The following LUZP1 variants were observed in gnomAD, a reference collection of about 807,000 sequenced individuals.
LUZP1 encodes the protein filamin mechanobinding actin cross-linking protein.
Under a neutral mutation model 71.3 loss-of-function variants are expected in LUZP1, and 25 were observed. The ratio of observed to expected loss-of-function variants is 0.35; its 90% CI spans 0.26 to 0.49. The LOEUF is 0.49. Among genes scored for constraint, LUZP1 ranks in the 20% least tolerant of loss-of-function variants. The pLI is 0.99. For missense variants in LUZP1, 1,142 were observed against 1,300.8 expected (o/e 0.88, Z 1.88); for synonymous variants, 481 against 506.4 (o/e 0.95, Z 0.67).
At chr1:23,167,479 G>T (rs1644518939) in intron 2 of LUZP1, among the ~76,000 whole-genome samples, 1 of 138,736 alleles carries the variant, frequency 7.2e-6, no homozygotes. Flanking sequence ...CAGTGAAGGT[G>T]CGACGGTGGA....
At chr1:23,177,073 T>TGG (rs10548114) in intron 1 of LUZP1, among the ~76,000 whole-genome samples, 139 of 144,294 alleles carry the variant, frequency 9.6e-4, no homozygotes, top group African/African-American at 3.0e-3. Flanking sequence ...GTAAGGATGA[T>TGG]GGGGGGGGGG....
exon 5 of LUZP1, chr1:23,086,461 G>A (rs932739014): frequency 6.6e-6 from 1 of 152,644 alleles, no homozygotes; most frequent in Admixed American, 6.5e-5. Context: ...GCAGATGTTG[G>A]TGCTGCTGAA....
rs1187462469 is a variant in LUZP1, at chr1:23,093,803, AGAG to A, written c.456_458del (p.Ser153del). ...CTTTGACTCTGAGCATTTCCAGCTC[AGAG>A]GAGATTTTCTTGGTCAGATTTCTCT... On this transcript the variant is annotated inframe_deletion, in exon 4 of 5. Transcript: ENST00000302291. The surrounding 1 kb of genome is among the most constrained non-coding windows in gnomAD (Gnocchi z 4.2). The A allele has an allele frequency of 5.0e-6, 8 of 1,613,952 alleles. No individual in the cohort carries two copies. The highest frequency in any genetic ancestry group is 1.3e-5 in the African/African-American group (1 of 74,920).
chr1:23,099,563 T>A (rs1222425213), intron 3 of LUZP1, among the ~76,000 whole-genome samples: 1 of 152,234 alleles, frequency 6.6e-6, no homozygotes, highest in Non-Finnish European at 1.5e-5. Context: ...AATCTCTTTT[T>A]CAAAAGAAGG....
At chr1:23,130,800 C>G (rs1644208883) in intron 2 of LUZP1, among the ~76,000 whole-genome samples, 1 of 152,116 alleles carries the variant, frequency 6.6e-6, no homozygotes, top group African/African-American at 2.4e-5. Flanking sequence ...GTTATTGCCA[C>G]CCCTCCTACT....
intron 2 of LUZP1, among the ~76,000 whole-genome samples, chr1:23,149,165 C>G (rs1001199873): frequency 1.4e-5 from 2 of 146,674 alleles, no homozygotes; most frequent in African/African-American, 5.0e-5. Flanking sequence ...AGACTTTTTA[C>G]TTGTTATAGA....
At chr1:23,109,098 ACT>A (rs1644008082) in exon 3 of LUZP1, 1 of 152,098 alleles carries the variant, frequency 6.6e-6, no homozygotes, top group South Asian at 2.1e-4. Context: ...ACAGTCACTC[ACT>A]CTCTTTCAAA....
chr1:23,108,528 A>T (rs548023233), intron 3 of LUZP1, among the ~76,000 whole-genome samples: 37 of 152,320 alleles, frequency 2.4e-4, no homozygotes, highest in African/African-American at 5.5e-4. Context: ...TGAGCCCAGG[A>T]AGTCAAGGCT....
exon 5 of LUZP1, chr1:23,084,499 T>G (rs1239905449): frequency 6.6e-6 from 1 of 152,142 alleles, no homozygotes; most frequent in African/African-American, 2.4e-5. Flanking sequence ...TTCTGCCTCA[T>G]CCCAGCATCC....
At chr1:23,089,250 G>A (rs1029409300) in intron 4 of LUZP1, among the ~76,000 whole-genome samples, 197 bp from the exon 4 acceptor site, 2 of 152,112 alleles carry the variant, frequency 1.3e-5, no homozygotes, top group African/African-American at 2.4e-5. Flanking sequence ...TCGGCAGACT[G>A]GGAACTCCAA....
intron 2 of LUZP1, among the ~76,000 whole-genome samples, chr1:23,146,067 T>C (rs1644340523): frequency 6.6e-6 from 1 of 151,948 alleles, no homozygotes; most frequent in Non-Finnish European, 1.5e-5. Context: ...AGTCTCCCTC[T>C]GTCACCAGGC....
chr1:23,105,694 A>C (rs983482213), intron 3 of LUZP1, among the ~76,000 whole-genome samples: 19 of 152,330 alleles, frequency 1.2e-4, no homozygotes, highest in African/African-American at 4.3e-4. Flanking sequence ...CTAGCCTGCA[A>C]ACATTCGCTA....
chr1:23,147,060 G>A (rs948705950), intron 2 of LUZP1, among the ~76,000 whole-genome samples: 5 of 151,518 alleles, frequency 3.3e-5, no homozygotes, highest in South Asian at 2.1e-4. Flanking sequence ...TCGCGCCACC[G>A]CACTCCAGCC....
intron 2 of LUZP1, among the ~76,000 whole-genome samples, chr1:23,149,079 T>TAAAAA (rs58910170): frequency 4.8e-4 from 18 of 37,364 alleles, no homozygotes; most frequent in East Asian, 1.7e-3. Flanking sequence ...ACACCTTGCC[T>TAAAAA]AAAAAAAAAA....
chr1:23,088,586 T>G, exon 5 of LUZP1: 1 of 242,076 alleles, frequency 4.1e-6, no homozygotes. Flanking sequence ...ACTCCTGCTG[T>G]GTGCTGGGGA....
intron 1 of LUZP1, among the ~76,000 whole-genome samples, chr1:23,171,244 G>A (rs1231261954): frequency 6.6e-6 from 1 of 151,998 alleles, no homozygotes; most frequent in Non-Finnish European, 1.5e-5. Flanking sequence ...AGACTTTAGG[G>A]TCTTGAGAAA....
chr1:23,175,706 G>A (rs927960329), intron 1 of LUZP1, among the ~76,000 whole-genome samples: 1 of 152,186 alleles, frequency 6.6e-6, no homozygotes, highest in Non-Finnish European at 1.5e-5. Flanking sequence ...TACACAGACT[G>A]TAATACAGCA....
intron 2 of LUZP1, among the ~76,000 whole-genome samples, chr1:23,119,251 CTTTTTTT>C (rs35522356): frequency 2.9e-5 from 2 of 69,996 alleles, no homozygotes; most frequent in African/African-American, 6.1e-5. Flanking sequence ...GTGACTAGCT[CTTTTTTT>C]TTTTTTTTTT....
intron 3 of LUZP1, among the ~76,000 whole-genome samples, chr1:23,107,757 C>G (rs1643995174): frequency 1.3e-5 from 2 of 152,250 alleles, no homozygotes; most frequent in Admixed American, 1.3e-4. Context: ...GGCAGTGAGC[C>G]AAGATCGCAC....
Sources: allele counts gnomAD v4.1 joint callset (sites outside exome capture counted in the v4.1 genomes callset), GRCh38; gene constraint gnomAD v4.1.1; non-coding constraint Gnocchi (gnomAD v3.1); transcripts MANE v1.5; gene names NCBI Gene and HGNC (gene_info 2026-07-23, HGNC 2026-07-21).